MROH1: variants seen among roughly 807,000 people sequenced by gnomAD.
The protein encoded by MROH1 is maestro heat like repeat family member 1, also known as maestro heat-like repeat-containing protein family member 1.
A neutral mutation model predicts 116.5 loss-of-function variants in MROH1; 117 were observed. The observed-to-expected ratio is 1.00, with a 90% CI of 0.86 to 1.17. The LOEUF (loss-of-function observed/expected upper bound fraction) is 1.17. Ranked by LOEUF, MROH1 falls within the 50% of genes most tolerant of loss-of-function variation. The pLI is 0.00. For missense variants in MROH1, 1,873 were observed against 1,338.5 expected (o/e 1.40, Z -6.23); for synonymous variants, 921 against 583.9 (o/e 1.58, Z -8.32).
chr8:144,243,835 G>T, intron 25 of MROH1, 28 bp from the exon 26 acceptor site: 1 of 772,058 alleles, frequency 1.3e-6, no homozygotes, highest in Non-Finnish European at 2.4e-6. Flanking sequence ...TTCCTCCAAG[G>T]GCTGAGTCAT....
intron 1 of MROH1, among the ~76,000 whole-genome samples, chr8:144,158,899 C>T (rs1410158835): frequency 6.6e-6 from 1 of 152,178 alleles, no homozygotes; most frequent in Non-Finnish European, 1.5e-5. Flanking sequence ...CCACCACGCC[C>T]AGCTAGTTTT....
In MROH1 at chr8:144,199,115, G is replaced by A. The variant is rs1055839122; in HGVS notation, c.949-7G>A. The A allele has an allele frequency of 3.1e-6, 5 of 1,613,274 alleles. No individual in the cohort carries two copies. The highest frequency in any genetic ancestry group is 4.2e-6 in the Non-Finnish European group (5 of 1,179,642). ...GGTCTATAACCTCGGCCCCGTTCCTGGAGCAGATCTGTGTGCCTGTGGAGT... is the reference window on the plus strand; with the variant it reads ...GGTCTATAACCTCGGCCCCGTTCCTAGAGCAGATCTGTGTGCCTGTGGAGT... On this transcript the variant is annotated splice_region_variant and splice_polypyrimidine_tract_variant and intron_variant, in intron 10 of 43. Coordinates refer to ENST00000326134, the MANE Select transcript of MROH1 (RefSeq NM_032450.3).
At chr8:144,218,495 G>A (rs1414130981) in intron 12 of MROH1, among the ~76,000 whole-genome samples, 3 of 151,676 alleles carry the variant, frequency 2.0e-5, no homozygotes, top group Non-Finnish European at 2.9e-5. Flanking sequence ...CACATCTTTC[G>A]TCTTTCTGTT....
intron 32 of MROH1, among the ~76,000 whole-genome samples, chr8:144,249,311 AG>A (rs1195315014): frequency 0.047 from 7,228 of 152,226 alleles, 217 homozygotes; most frequent in African/African-American, 0.083. Context: ...TGAGAGAATA[AG>A]GGGGGAAAAG....
chr8:144,183,906 C>G (rs916442874), intron 7 of MROH1, among the ~76,000 whole-genome samples: 1 of 152,092 alleles, frequency 6.6e-6, no homozygotes. Flanking sequence ...CTCGGCCTCC[C>G]AAAGTGCTGG....
At position 144,182,186 on chromosome 8, in the gene MROH1, C is replaced by T. The variant is rs1023967011; in HGVS notation, c.562+1663C>T. 3.9e-5 allele frequency among the ~76,000 whole-genome samples: 6 copies of T among 152,172 alleles called. No individual in the cohort carries two copies. The highest frequency in any genetic ancestry group is 1.2e-4 in the African/African-American group (5 of 41,440). ...AGTGGTGGGGGCGGTGGCAGGCCTG[C>T]GTCCACTGCGGGAGGGTGCAGGTCC... On this transcript the variant is annotated intron_variant, in intron 7 of 43. Transcript: ENST00000326134. The surrounding 1 kb of genome is among the most constrained non-coding windows in gnomAD (Gnocchi z 4.1).
chr8:144,249,048 CG>C lies in MROH1; in HGVS notation c.3273+25del, dbSNP rs1271709289. 4,513 of 507,778 alleles carry C rather than the reference CG, an allele frequency of 8.9e-3. 39 individuals carry two copies. Among genetic ancestry groups the C allele is most frequent in the South Asian group, 0.024 (1,498 of 62,716 alleles). 31.5% of individuals were successfully genotyped at this position (507,778 alleles called of 1,614,324 possible). ...GGAGAAGGTGGGAGAGGGCGGGGCG[CG>C]GGGGGTGCTCCAGGAGAAGGTGGGA... On this transcript the variant is annotated intron_variant, in intron 32 of 43. Coordinates refer to ENST00000326134, the MANE Select transcript of MROH1 (RefSeq NM_032450.3).
Position 144,261,891 on chromosome 8 carries a change from A to T in MROH1, c.*151A>T, listed in dbSNP as rs1365460327. ...GCTGGGGACCAAACCCAAGCCCTTC[A>T]GTGAGGGATGTGCCCAATAAACTCA... On this transcript the variant is annotated 3_prime_UTR_variant, in exon 44 of 44. Transcript: ENST00000326134. The T allele has an allele frequency of 6.0e-6, 4 of 669,024 alleles. No individual in the cohort carries two copies. Among genetic ancestry groups the T allele is most frequent in the Non-Finnish European group, 1.1e-5 (4 of 370,274 alleles). 41.4% of individuals were successfully genotyped at this position (669,024 alleles called of 1,614,324 possible).
At chr8:144,255,085 C>T (rs1843464815) in intron 34 of MROH1, 107 bp downstream of exon 34, 4 of 628,938 alleles carry the variant, frequency 6.4e-6, no homozygotes, top group South Asian at 3.5e-5. Flanking sequence ...ACCCCACAGG[C>T]ACCTGGAGGC....
chr8:144,231,417 G>C (rs903755363), intron 14 of MROH1, among the ~76,000 whole-genome samples: 1 of 152,176 alleles, frequency 6.6e-6, no homozygotes, highest in Non-Finnish European at 1.5e-5. Flanking sequence ...CTGATTTAAA[G>C]TGAGAGGTGT....
chr8:144,155,886 G>T (rs1587715581), intron 1 of MROH1, among the ~76,000 whole-genome samples: 1 of 151,640 alleles, frequency 6.6e-6, no homozygotes, highest in East Asian at 2.0e-4. Context: ...ATCTGCCTCA[G>T]CCTCCCGGAG....
intron 12 of MROH1, among the ~76,000 whole-genome samples, chr8:144,204,307 T>C (rs1832365976): frequency 1.3e-5 from 2 of 152,210 alleles, no homozygotes; most frequent in South Asian, 2.1e-4. Flanking sequence ...AAATGGGGTC[T>C]ACTTATGTTG....
At chr8:144,239,496 C>A in intron 17 of MROH1, 118 bp from the exon 18 acceptor site, 1 of 763,142 alleles carries the variant, frequency 1.3e-6, no homozygotes, top group Admixed American at 1.8e-5. Context: ...TCTACGTGGG[C>A]GGCCCAGCTT....
intron 12 of MROH1, chr8:144,212,937 A>G (rs1834466426): frequency 1.4e-6 from 1 of 734,112 alleles, no homozygotes; most frequent in South Asian, 1.4e-5. Flanking sequence ...TCCAGTTCTC[A>G]AGGTTAATAG....
At chr8:144,244,004 T>C in intron 26 of MROH1, 62 bp downstream of exon 26, 1 of 759,418 alleles carries the variant, frequency 1.3e-6, no homozygotes, top group East Asian at 2.5e-5. Context: ...TGTGTGTGCA[T>C]TGTGTGTGCA....
At chr8:144,202,625 TGGGGAGGGGAGCGCAGGCTCTCTGTG>T (rs1831533195) in intron 12 of MROH1, among the ~76,000 whole-genome samples, 1 of 8,228 alleles carries the variant, frequency 1.2e-4, no homozygotes, top group Non-Finnish European at 3.0e-4. Context: ...TGTGGAGGGG[TGGGGAGGGGAGCGCAGGCTCTCTGTG>T]GAGAGGCGGG....
chr8:144,238,482 G>T (rs56013442), intron 14 of MROH1, among the ~76,000 whole-genome samples: 1 of 152,212 alleles, frequency 6.6e-6, no homozygotes, highest in Non-Finnish European at 1.5e-5. Flanking sequence ...TCCCCTGCAG[G>T]CATTGCAACC....
Position 144,180,778 on chromosome 8 carries a change from G to A in MROH1, c.562+255G>A, listed in dbSNP as rs1002726123. On this transcript the variant is annotated intron_variant, in intron 7 of 43. Transcript: ENST00000326134. This position sits in a 1 kb window ranked among gnomAD's most constrained non-coding sequence, Gnocchi z 7.4. ...ATTGTGGGTCCACTGAGGGCTGGACGTGCCTGGGGGGTAGGAAGAGACTTC... is the reference window on the plus strand; with the variant it reads ...ATTGTGGGTCCACTGAGGGCTGGACATGCCTGGGGGGTAGGAAGAGACTTC... Among the ~76,000 whole-genome samples the A allele has an allele frequency of 6.6e-5, 10 of 152,116 alleles. No homozygotes were observed. The highest frequency in any genetic ancestry group is 1.4e-4 in the African/African-American group (6 of 41,422).
chr8:144,260,485 G>A, intron 39 of MROH1, 111 bp downstream of exon 39: 2 of 698,402 alleles, frequency 2.9e-6, no homozygotes, highest in South Asian at 3.0e-5. Context: ...TCGGCTAGGT[G>A]ACCGTGGAGA....
Sources: gnomAD v4.1 joint callset for allele counts (sites outside exome capture counted in the v4.1 genomes callset) on GRCh38, gnomAD v4.1.1 for gene constraint, Gnocchi (gnomAD v3.1) non-coding constraint, MANE v1.5 for transcripts, NCBI Gene and HGNC (gene_info 2026-07-23, HGNC 2026-07-21) for gene names.